The following MYO1B variants were observed in gnomAD, a reference collection of about 807,000 sequenced individuals.
The protein encoded by MYO1B is myosin IB, also known as unconventional myosin-Ib.
Under a neutral mutation model 159.7 loss-of-function variants are expected in MYO1B, and 72 were observed. That is an observed-to-expected ratio of 0.45 (90% CI 0.37 to 0.55). The LOEUF is 0.55. Among genes scored for constraint, MYO1B ranks in the 20% least tolerant of loss-of-function variants. MYO1B has a pLI of 0.00. For synonymous variants in MYO1B, 468 were observed against 473.8 expected (o/e 0.99, Z 0.16); for missense variants, 1,062 against 1,364.8 (o/e 0.78, Z 3.50).
rs1418209572 is a variant in MYO1B at position 191,370,230 on chromosome 2, C to G, written c.1123C>G (p.Gln375Glu). 8 of 1,612,206 alleles carry G rather than the reference C, an allele frequency of 5.0e-6. No homozygotes were observed. Among genetic ancestry groups the G allele is most frequent in the African/African-American group, 1.3e-5 (1 of 74,820 alleles). The change falls in exon 13 of 31, where the codon CAA becomes GAA. Residue 375 changes from glutamine to glutamate, a missense_variant. This residue lies in a region of MYO1B where 415 missense variants were observed against 544.0 expected (regional missense o/e 0.76). Coordinates refer to ENST00000392318, the MANE Select transcript of MYO1B (RefSeq NM_001130158.3). ...TTTAATTTGAAACTTTTTAAAGGCA[C>G]AAACAAAAGTGAGAAAGAAGGTCAT... Reference protein sequence around the residue: ...VNRINESIKAQTKVRKKVMGV... With the variant: ...VNRINESIKAETKVRKKVMGV...
chr2:191,399,490 A>G (rs1259501494), intron 21 of MYO1B, among the ~76,000 whole-genome samples: 3 of 152,242 alleles, frequency 2.0e-5, no homozygotes, highest in Non-Finnish European at 2.9e-5. Flanking sequence ...CAGAGCCAAA[A>G]GCAGTTACCA....
chr2:191,257,913 A>C (rs1015333844), intron 1 of MYO1B, among the ~76,000 whole-genome samples: 3 of 152,208 alleles, frequency 2.0e-5, no homozygotes, highest in African/African-American at 7.2e-5. Flanking sequence ...AACATATCAT[A>C]AATATTTATG....
chr2:191,313,305 G>A (rs1690136903), intron 3 of MYO1B, among the ~76,000 whole-genome samples: 1 of 140,046 alleles, frequency 7.1e-6, no homozygotes, highest in Non-Finnish European at 1.5e-5. Context: ...CTGCCTCCCG[G>A]GTTCCAGGAA....
At chr2:191,386,447 G>A (rs1695403764) in intron 16 of MYO1B, among the ~76,000 whole-genome samples, 1 of 152,026 alleles carries the variant, frequency 6.6e-6, no homozygotes, top group African/African-American at 2.4e-5. Context: ...AAAAACACAA[G>A]CCATTTAGCA....
chr2:191,269,232 T>C (rs182803986), intron 1 of MYO1B, among the ~76,000 whole-genome samples: 1 of 152,318 alleles, frequency 6.6e-6, no homozygotes, highest in Non-Finnish European at 1.5e-5. Flanking sequence ...TCTGTGTACC[T>C]TATATAAGTG....
intron 14 of MYO1B, 42 bp from the exon 15 acceptor site, chr2:191,383,238 T>C: frequency 7.7e-7 from 1 of 1,297,388 alleles, no homozygotes; most frequent in Non-Finnish European, 1.1e-6. Flanking sequence ...GTGTCGTGGC[T>C]TCATCTTGTG....
intron 1 of MYO1B, among the ~76,000 whole-genome samples, chr2:191,268,659 G>A (rs1398575538): frequency 6.6e-6 from 1 of 152,226 alleles, no homozygotes; most frequent in Non-Finnish European, 1.5e-5. Context: ...GCCATGGTCT[G>A]TCACCATGCT....
intron 17 of MYO1B, 94 bp from the exon 18 acceptor site, chr2:191,390,198 G>C (rs540462622): frequency 7.7e-5 from 86 of 1,119,660 alleles, no homozygotes; most frequent in Admixed American, 5.5e-4. Flanking sequence ...TAATTGTTTT[G>C]CTATGAAACA....
intron 1 of MYO1B, 44 bp downstream of exon 1, chr2:191,245,670 G>A (rs1396560611): frequency 6.6e-6 from 1 of 152,198 alleles, no homozygotes; most frequent in Non-Finnish European, 1.5e-5. Flanking sequence ...CCTTCCCTCT[G>A]CGTCCGTCGT....
At chr2:191,420,499 C>T (rs1265466061) in intron 30 of MYO1B, among the ~76,000 whole-genome samples, 2 of 152,164 alleles carry the variant, frequency 1.3e-5, no homozygotes, top group Non-Finnish European at 2.9e-5. Context: ...TTTACACATA[C>T]AAATACCATT....
rs2126178595 is a variant in MYO1B, at chr2:191,414,660, C to T, written c.3150C>T (p.His1050=). 6.2e-7 allele frequency: 1 copy of T among 1,609,554 alleles called. No homozygotes were observed. Among genetic ancestry groups the T allele is most frequent in the South Asian group, 1.1e-5 (1 of 89,254 alleles). ...SSQNDGFFAV[H]LKEGSEAASK... ...AAAATGATGGCTTCTTCGCCGTCCA[C>T]CTCAAAGAGGTAAAGGTTCAACAGA... Residue 1050 remains histidine, a synonymous_variant, in exon 29 of 31, where the codon CAC becomes CAT. Coordinates refer to ENST00000392318, the MANE Select transcript of MYO1B (RefSeq NM_001130158.3).
intron 3 of MYO1B, among the ~76,000 whole-genome samples, chr2:191,296,960 A>G (rs1260692109): frequency 6.6e-6 from 1 of 152,252 alleles, no homozygotes; most frequent in Non-Finnish European, 1.5e-5. Context: ...ATTCAACCCT[A>G]GAACTTTTAT....
chr2:191,323,505 A>T (rs1215706420), intron 3 of MYO1B, among the ~76,000 whole-genome samples: 1 of 152,162 alleles, frequency 6.6e-6, no homozygotes, highest in Non-Finnish European at 1.5e-5. Flanking sequence ...TAGTGGTTAC[A>T]TTTGACTGCC....
At chr2:191,279,584 T>C (rs904155662) in intron 2 of MYO1B, among the ~76,000 whole-genome samples, 1 of 152,218 alleles carries the variant, frequency 6.6e-6, no homozygotes, top group Admixed American at 6.5e-5. Flanking sequence ...CCATGTATTC[T>C]TCCCTGGTGA....
chr2:191,330,202 A>G (rs1691376942), intron 4 of MYO1B, among the ~76,000 whole-genome samples, 173 bp downstream of exon 4: 1 of 152,150 alleles, frequency 6.6e-6, no homozygotes, highest in African/African-American at 2.4e-5. Flanking sequence ...CCCCAGAGAA[A>G]CAAGATGCCT....
intron 11 of MYO1B, among the ~76,000 whole-genome samples, chr2:191,365,695 C>T (rs553689544): frequency 6.6e-6 from 1 of 152,192 alleles, no homozygotes; most frequent in East Asian, 1.9e-4. Flanking sequence ...CCCATGGAAA[C>T]AATCAAAGGA....
intron 3 of MYO1B, among the ~76,000 whole-genome samples, chr2:191,326,073 CTG>C (rs1208834432): frequency 6.6e-6 from 1 of 152,154 alleles, no homozygotes; most frequent in Non-Finnish European, 1.5e-5. Flanking sequence ...AGGACTAAAA[CTG>C]TGTTTACTCC....
chr2:191,267,856 A>T (rs899817021), intron 1 of MYO1B, among the ~76,000 whole-genome samples: 4 of 152,194 alleles, frequency 2.6e-5, no homozygotes, highest in African/African-American at 9.7e-5. Context: ...CTGGTGTGTC[A>T]TCGAGGCTCT....
At chr2:191,271,570 A>G (rs904816448) in intron 1 of MYO1B, among the ~76,000 whole-genome samples, 3 of 152,286 alleles carry the variant, frequency 2.0e-5, no homozygotes, top group African/African-American at 7.2e-5. Context: ...GTGATTTAAT[A>G]TTCTTATTAA....
Sources: allele counts gnomAD v4.1 joint callset (sites outside exome capture counted in the v4.1 genomes callset), GRCh38; gene constraint gnomAD v4.1.1; regional missense constraint gnomAD v4.1.1; transcripts MANE v1.5; gene names NCBI Gene and HGNC (gene_info 2026-07-23, HGNC 2026-07-21).